RPAP1: variants seen among roughly 807,000 people sequenced by gnomAD.
RPAP1 encodes the protein RNA polymerase II-associated protein 1.
Under a neutral mutation model 142.4 loss-of-function variants are expected in RPAP1, and 109 were observed. The observed-to-expected ratio is 0.77, with a 90% CI of 0.66 to 0.90. The LOEUF is 0.90. Ranked by LOEUF, RPAP1 falls within the 40% of genes least tolerant of loss-of-function variation. RPAP1 has a pLI of 0.00. For missense variants in RPAP1, 1,546 were observed against 1,751.7 expected (o/e 0.88, Z 2.10); for synonymous variants, 704 against 738.9 (o/e 0.95, Z 0.77).
intron 8 of RPAP1, 103 bp downstream of exon 8, chr15:41,529,761 C>T: frequency 1.1e-6 from 1 of 916,606 alleles, no homozygotes; most frequent in East Asian, 2.6e-5. Flanking sequence ...AGATGCTTCT[C>T]AGGCTCTGGG....
intron 22 of RPAP1, chr15:41,520,020 G>C (rs1228523568): frequency 3.9e-6 from 1 of 254,194 alleles, no homozygotes; most frequent in Non-Finnish European, 7.8e-6. Context: ...TGTAGCCTCC[G>C]CTTCCCGGGT....
rs1009122382 is a variant in RPAP1, at chr15:41,521,074, G to A, written c.3112C>T (p.Arg1038Trp). The change falls in exon 22 of 25, where the codon CGG (arginine) becomes TGG (tryptophan). Residue 1038 changes from arginine (R) to tryptophan (W), a missense_variant. Arg to Trp is a moderately radical substitution (Grantham distance 101, BLOSUM62 -3). Around this residue, in one of 3 missense-constraint regions of RPAP1, gnomAD observed 1,333 missense variants for 1,486.6 expected, o/e 0.90. Transcript: ENST00000304330. The stretch of plus-strand genomic sequence containing the variant: ...GCCAGCAGAGTCCCTTGCCCACACC[G>A]AGGGACCCTGCTGCTTCCTAACGAC... Reference protein sequence around the residue: ...QLSLGSSRVPRCGQGTLLAQA... With the variant: ...QLSLGSSRVPWCGQGTLLAQA... 1.1e-5 allele frequency: 17 copies of A among 1,544,104 alleles called. No homozygotes were observed. Among genetic ancestry groups the A allele is most frequent in the South Asian group, 1.3e-5 (1 of 78,928 alleles).
At chr15:41,522,000 G>C in intron 20 of RPAP1, 98 bp downstream of exon 20, 7 of 1,562,572 alleles carry the variant, frequency 4.5e-6, no homozygotes, top group Non-Finnish European at 6.1e-6. Context: ...CTGGAGGAAA[G>C]TGGGAGCTGC....
intron 17 of RPAP1, 110 bp from the exon 18 acceptor site, chr15:41,523,464 A>C: frequency 2.8e-6 from 2 of 709,954 alleles, no homozygotes; most frequent in Non-Finnish European, 4.8e-6. Context: ...GCACATTTGG[A>C]GGCTTCTGCA....
chr15:41,520,890 G>T lies in RPAP1; in HGVS notation c.3296C>A (p.Thr1099Asn), dbSNP rs1181895849. The T allele has an allele frequency of 6.2e-7, 1 of 1,613,644 alleles. No homozygotes were observed. ...LPMPTEPLLP[T>N]DWPFLPLIRL... is the part of the protein sequence containing the mutation. Reference sequence around the variant, plus strand: ...AATCAGTGGCAGGAAGGGCCAGTCGGTGGGCAGCAGCGGCTCCGTAGGCAT... The same window carrying T: ...AATCAGTGGCAGGAAGGGCCAGTCGTTGGGCAGCAGCGGCTCCGTAGGCAT... Residue 1099 changes from threonine to asparagine, a missense_variant, in exon 22 of 25, where the codon ACC becomes AAC. Around this residue, in one of 3 missense-constraint regions of RPAP1, gnomAD observed 1,333 missense variants for 1,486.6 expected, o/e 0.90. Transcript: ENST00000304330.
chr15:41,526,544 C>T (rs1054087772), intron 14 of RPAP1, among the ~76,000 whole-genome samples: 6 of 152,218 alleles, frequency 3.9e-5, no homozygotes, highest in African/African-American at 1.4e-4. Context: ...TGAGCCACTA[C>T]ACCCAGCCCT....
chr15:41,528,622 G>A (rs561609293), intron 9 of RPAP1, among the ~76,000 whole-genome samples: 2 of 152,292 alleles, frequency 1.3e-5, no homozygotes, highest in South Asian at 4.1e-4. Flanking sequence ...GAGCTTTGAT[G>A]GCCTGACATG....
chr15:41,541,655 G>A (rs1842182391), intron 1 of RPAP1, among the ~76,000 whole-genome samples: 3 of 152,064 alleles, frequency 2.0e-5, no homozygotes, highest in African/African-American at 7.2e-5. Context: ...AGACCATCCT[G>A]GCTAACACGG....
intron 12 of RPAP1, 54 bp from the exon 13 acceptor site, chr15:41,527,355 G>A (rs1595483822): frequency 5.0e-6 from 8 of 1,612,896 alleles, no homozygotes; most frequent in East Asian, 2.2e-5. Context: ...CCTGGGCATT[G>A]ATGGCCCCTC....
intron 22 of RPAP1, 93 bp from the exon 23 acceptor site, chr15:41,518,275 T>G: frequency 9.1e-7 from 1 of 1,098,522 alleles, no homozygotes; most frequent in Non-Finnish European, 1.3e-6. Flanking sequence ...AACCAAATCA[T>G]GAGGGCAGAG....
rs772585678 is a variant in RPAP1, at chr15:41,531,005, C to T, written c.943+18G>A. ...CCTACTTTTATCCACCAAAATATGA[C>T]CCCCGCCTCCTGCAAACCTGGGGCT... is the stretch of plus-strand genomic sequence containing the variant. On this transcript the variant is annotated intron_variant, in intron 7 of 24. Transcript: ENST00000304330. 1.9e-6 allele frequency: 3 copies of T among 1,602,490 alleles called. No individual in the cohort carries two copies. The highest frequency in any genetic ancestry group is 2.2e-5 in the South Asian group (2 of 90,736).
intron 6 of RPAP1, among the ~76,000 whole-genome samples, chr15:41,531,652 T>A (rs546910664): frequency 0.023 from 2,235 of 95,564 alleles, 82 homozygotes; most frequent in Middle Eastern, 0.081. Flanking sequence ...TTTTTTTTTT[T>A]TTTTTTGAGA....
chr15:41,536,685 A>T, intron 2 of RPAP1, 36 bp from the exon 3 acceptor site: 1 of 1,605,214 alleles, frequency 6.2e-7, no homozygotes, highest in Non-Finnish European at 8.5e-7. Context: ...GAGTATATGC[A>T]CACCTTCCTA....
intron 19 of RPAP1, 186 bp downstream of exon 19, chr15:41,522,579 G>A (rs2051739226): frequency 1.7e-6 from 1 of 575,906 alleles, no homozygotes; most frequent in Non-Finnish European, 3.0e-6. Flanking sequence ...TAGTAGAGAT[G>A]GGGTTTCTCC....
chr15:41,531,425 C>G (rs903947301), intron 6 of RPAP1, among the ~76,000 whole-genome samples: 1 of 151,906 alleles, frequency 6.6e-6, no homozygotes, highest in Non-Finnish European at 1.5e-5. Flanking sequence ...GCCCACCTTT[C>G]CCTCTATCCC....
Position 41,536,960 on chromosome 15 carries a change from C to T in RPAP1, c.166G>A (p.Val56Met), listed in dbSNP as rs1195088168. The change falls in exon 2 of 25, where the codon GTG becomes ATG. Residue 56 changes from valine (V) to methionine (M), a missense_variant. Transcript: ENST00000304330. ...GGGAACTCACTGTCCAACATCACCA[C>T]ATCCCGATGGTCCTGGAGCGGAGGC... ...DRPPLQDHRD[V>M]VMLDNLPDLP... 12 of 1,614,028 alleles carry T rather than the reference C, an allele frequency of 7.4e-6. No individual in the cohort carries two copies. Among genetic ancestry groups the T allele is most frequent in the Non-Finnish European group, 1.0e-5 (12 of 1,179,946 alleles).
intron 6 of RPAP1, among the ~76,000 whole-genome samples, chr15:41,534,304 G>A (rs1447336076): frequency 6.6e-6 from 1 of 151,710 alleles, no homozygotes; most frequent in Non-Finnish European, 1.5e-5. Context: ...TGTAATTCCA[G>A]CTACTCGAGA....
intron 21 of RPAP1, 99 bp downstream of exon 21, chr15:41,521,639 G>T: frequency 7.3e-7 from 1 of 1,365,372 alleles, no homozygotes; most frequent in South Asian, 1.4e-5. Flanking sequence ...GTGGAAGAAA[G>T]AGAATTTAGG....
At chr15:41,540,301 A>G (rs2051959424) in intron 1 of RPAP1, among the ~76,000 whole-genome samples, 1 of 101,670 alleles carries the variant, frequency 9.8e-6, no homozygotes, top group Non-Finnish European at 2.0e-5. Flanking sequence ...GTAGGTTACT[A>G]CTATTTTTTT....
Sources: gnomAD v4.1 joint callset for allele counts (sites outside exome capture counted in the v4.1 genomes callset) on GRCh38, gnomAD v4.1.1 for gene constraint, gnomAD v4.1.1 regional missense constraint, MANE v1.5 for transcripts, NCBI Gene and HGNC (gene_info 2026-07-23, HGNC 2026-07-21) for gene names.